POPDC1: variants seen among roughly 807,000 people sequenced by gnomAD.
The protein encoded by POPDC1 is popeye domain cAMP effector 1.
chr6:105,129,193 T>C, the POPDC1 span, among the ~76,000 whole-genome samples: 1 of 150,838 alleles, frequency 6.6e-6, no homozygotes, highest in East Asian at 2.0e-4. Context: ...AACTCATTTG[T>C]AGAACAAATT....
the POPDC1 span, among the ~76,000 whole-genome samples, chr6:105,130,702 C>G: frequency 1.3e-5 from 2 of 152,096 alleles, no homozygotes; most frequent in Non-Finnish European, 2.9e-5. Context: ...TAAAGTACAG[C>G]TTGTTACTGT....
At chr6:105,124,156 G>A in the POPDC1 span, among the ~76,000 whole-genome samples, 1 of 152,180 alleles carries the variant, frequency 6.6e-6, no homozygotes, top group East Asian at 1.9e-4. Flanking sequence ...GCCGAGGCAG[G>A]CAGATCATGA....
At chr6:105,104,201 G>T in the POPDC1 span, among the ~76,000 whole-genome samples, 5 of 151,962 alleles carry the variant, frequency 3.3e-5, no homozygotes, top group South Asian at 1.0e-3. Flanking sequence ...AATTCCCATT[G>T]TTTCCTCAAG....
chr6:105,125,430 GT>G, the POPDC1 span: 1 of 1,614,142 alleles, frequency 6.2e-7, no homozygotes, highest in East Asian at 2.2e-5. Context: ...ATCAACTGAG[GT>G]TTTATCCTCT....
the POPDC1 span, among the ~76,000 whole-genome samples, chr6:105,107,694 AT>A: frequency 6.6e-6 from 1 of 152,316 alleles, no homozygotes; most frequent in South Asian, 2.1e-4. Context: ...TATTTTTATT[AT>A]GTTTAACCAT....
At chr6:105,133,250 C>A in the POPDC1 span, 2 of 1,001,802 alleles carry the variant, frequency 2.0e-6, no homozygotes, top group Non-Finnish European at 1.5e-6. Flanking sequence ...CATTTTTTGG[C>A]TTGCTATGGG....
the POPDC1 span, among the ~76,000 whole-genome samples, chr6:105,113,649 T>G: frequency 6.6e-6 from 1 of 152,030 alleles, no homozygotes; most frequent in African/African-American, 2.4e-5. Context: ...AGTAGGGAAG[T>G]GCAGCACCCG....
the POPDC1 span, among the ~76,000 whole-genome samples, chr6:105,131,251 T>C: frequency 1.2e-4 from 19 of 152,188 alleles, no homozygotes; most frequent in African/African-American, 4.3e-4. Context: ...AATTTAAATA[T>C]TCTTTAAGTA....
chr6:105,112,318 T>G, the POPDC1 span, among the ~76,000 whole-genome samples: 1 of 152,204 alleles, frequency 6.6e-6, no homozygotes, highest in Non-Finnish European at 1.5e-5. Flanking sequence ...GATGTGCACA[T>G]GCTGTTCAGA....
At chr6:105,110,917 G>A in the POPDC1 span, among the ~76,000 whole-genome samples, 47 of 152,216 alleles carry the variant, frequency 3.1e-4, no homozygotes, top group Middle Eastern at 3.4e-3. Flanking sequence ...AACTCCTGGG[G>A]TCAAGAGATC....
the POPDC1 span, among the ~76,000 whole-genome samples, chr6:105,108,115 C>T: frequency 6.6e-6 from 1 of 152,098 alleles, no homozygotes; most frequent in Non-Finnish European, 1.5e-5. Flanking sequence ...CCATCAGGGC[C>T]GTGAGCTGTA....
At chr6:105,132,604 A>G in the POPDC1 span, among the ~76,000 whole-genome samples, 2 of 152,228 alleles carry the variant, frequency 1.3e-5, no homozygotes, top group Non-Finnish European at 2.9e-5. Flanking sequence ...TTGTCTGGAC[A>G]CATCACAGGT....
At chr6:105,110,642 T>C in the POPDC1 span, among the ~76,000 whole-genome samples, 1 of 152,116 alleles carries the variant, frequency 6.6e-6, no homozygotes, top group East Asian at 1.9e-4. Context: ...TAACTAAATA[T>C]TTGTAAAACT....
the POPDC1 span, among the ~76,000 whole-genome samples, chr6:105,135,808 A>G: frequency 6.6e-6 from 1 of 152,114 alleles, no homozygotes; most frequent in Non-Finnish European, 1.5e-5. Flanking sequence ...GAAAATATTG[A>G]TCAGATCAGT....
chr6:105,112,056 T>C, the POPDC1 span, among the ~76,000 whole-genome samples: 3 of 152,116 alleles, frequency 2.0e-5, no homozygotes, highest in Admixed American at 6.5e-5. Context: ...ACTCAAAGTG[T>C]AGTTCACAGA....
chr6:105,110,927 C>A, the POPDC1 span, among the ~76,000 whole-genome samples: 2 of 152,178 alleles, frequency 1.3e-5, no homozygotes, highest in Non-Finnish European at 1.5e-5. Context: ...GTCAAGAGAT[C>A]CTCCTGCCTT....
the POPDC1 span, among the ~76,000 whole-genome samples, chr6:105,122,589 C>T: frequency 6.6e-6 from 1 of 152,160 alleles, no homozygotes; most frequent in African/African-American, 2.4e-5. Context: ...ATCCCAGTCT[C>T]TTCAGGATTA....
the POPDC1 span, among the ~76,000 whole-genome samples, chr6:105,121,988 G>T: frequency 2.0e-5 from 3 of 152,182 alleles, no homozygotes; most frequent in Non-Finnish European, 4.4e-5. Context: ...ATGATCAAGC[G>T]TCCTCTGCCA....
the POPDC1 span, chr6:105,125,460 T>G: frequency 6.2e-7 from 1 of 1,614,178 alleles, no homozygotes. Flanking sequence ...AGTTTGGCCC[T>G]TTTTCAAGGT....
Sources: allele counts gnomAD v4.1 joint callset (sites outside exome capture counted in the v4.1 genomes callset), GRCh38; gene constraint gnomAD v4.1.1; transcripts MANE v1.5; gene names NCBI Gene and HGNC (gene_info 2026-07-23, HGNC 2026-07-21).